Variants in DORIP1 observed in about 807,000 individuals in gnomAD.
The protein encoded by DORIP1 is dopamine receptor interacting protein 1, also known as dopamine receptor-interacting protein 1.
the DORIP1 span, among the ~76,000 whole-genome samples, chr14:44,902,524 C>G: frequency 6.6e-6 from 1 of 152,068 alleles, no homozygotes; most frequent in East Asian, 1.9e-4. Flanking sequence ...GAGATAGGAT[C>G]TTGCTGTGTT....
At chr14:44,905,394 T>C in the DORIP1 span, 1 of 1,541,104 alleles carries the variant, frequency 6.5e-7, no homozygotes. Flanking sequence ...CCACATTATT[T>C]AACAAAGAGG....
At chr14:44,903,874 T>C in the DORIP1 span, 2 of 984,860 alleles carry the variant, frequency 2.0e-6, no homozygotes, top group Non-Finnish European at 2.4e-6. Context: ...TTTGGTTTAG[T>C]TAATAATGTT....
chr14:44,903,304 T>A, the DORIP1 span: 1 of 1,603,890 alleles, frequency 6.2e-7, no homozygotes, highest in Non-Finnish European at 8.5e-7. Context: ...TGGGTGAGTA[T>A]ACAATAGACA....
At chr14:44,905,186 T>G in the DORIP1 span, 2 of 416,912 alleles carry the variant, frequency 4.8e-6, no homozygotes, top group Non-Finnish European at 4.2e-6. Context: ...AAATATGTTT[T>G]TAAGAAATTC....
the DORIP1 span, chr14:44,904,472 A>G: frequency 6.2e-7 from 1 of 1,612,396 alleles, no homozygotes. Context: ...AATATGCAAC[A>G]TTGGAAATCT....
the DORIP1 span, among the ~76,000 whole-genome samples, chr14:44,897,747 T>C: frequency 6.6e-6 from 1 of 152,070 alleles, no homozygotes; most frequent in African/African-American, 2.4e-5. Flanking sequence ...CCCGCCTCGG[T>C]GCCAGGCCTC....
At chr14:44,904,550 T>C in the DORIP1 span, 1 of 1,557,982 alleles carries the variant, frequency 6.4e-7, no homozygotes, top group Non-Finnish European at 8.6e-7. Context: ...TTGTTGTTGT[T>C]TCTTTATAAA....
At chr14:44,897,431 G>A in the DORIP1 span, 5 of 192,110 alleles carry the variant, frequency 2.6e-5, no homozygotes, top group Non-Finnish European at 5.2e-5. Context: ...AACTCACGCC[G>A]GGGGAGGCCG....
chr14:44,904,692 T>C, the DORIP1 span: 3 of 751,464 alleles, frequency 4.0e-6, no homozygotes, highest in African/African-American at 1.8e-5. Flanking sequence ...AGAGAGTCAG[T>C]TACTAGCAGT....
At chr14:44,900,830 T>C in the DORIP1 span, 1 of 1,614,132 alleles carries the variant, frequency 6.2e-7, no homozygotes, top group Non-Finnish European at 8.5e-7. Context: ...ATTGATTTGT[T>C]TGGGAATGAG....
At chr14:44,900,423 T>C in the DORIP1 span, 1 of 1,450,712 alleles carries the variant, frequency 6.9e-7, no homozygotes, top group Non-Finnish European at 9.1e-7. Context: ...GTTTTAAACT[T>C]TTAAAATGTA....
At chr14:44,899,788 A>G in the DORIP1 span, among the ~76,000 whole-genome samples, 1 of 151,128 alleles carries the variant, frequency 6.6e-6, no homozygotes, top group Admixed American at 6.6e-5. Flanking sequence ...GCCTAACCAA[A>G]GTTAATGTTT....
the DORIP1 span, chr14:44,907,154 TTACC>T: frequency 1.3e-5 from 2 of 152,752 alleles, no homozygotes; most frequent in Admixed American, 6.5e-5. Context: ...AAACAATGAC[TTACC>T]TACCTCACAG....
the DORIP1 span, chr14:44,904,684 A>T: frequency 1.2e-6 from 1 of 840,732 alleles, no homozygotes; most frequent in Non-Finnish European, 1.7e-6. Flanking sequence ...TTTATTACAG[A>T]GAGTCAGTTA....
the DORIP1 span, chr14:44,905,740 T>A: frequency 2.7e-6 from 1 of 364,000 alleles, no homozygotes. Context: ...TGTAATTTTT[T>A]TATATTTCCT....
At chr14:44,900,334 A>G in the DORIP1 span, 2 of 1,145,122 alleles carry the variant, frequency 1.7e-6, no homozygotes, top group Non-Finnish European at 2.3e-6. Flanking sequence ...ACCACATTTG[A>G]TTTGAGTCTT....
At chr14:44,902,105 C>T in the DORIP1 span, among the ~76,000 whole-genome samples, 1 of 152,266 alleles carries the variant, frequency 6.6e-6, no homozygotes, top group East Asian at 1.9e-4. Flanking sequence ...TTACATTTCT[C>T]TGAAATACAC....
chr14:44,904,536 GT>G, the DORIP1 span: 1 of 1,561,430 alleles, frequency 6.4e-7, no homozygotes, highest in Non-Finnish European at 8.6e-7. Flanking sequence ...ACAAGTAGGT[GT>G]TTTTGTTGTT....
the DORIP1 span, among the ~76,000 whole-genome samples, chr14:44,902,103 C>G: frequency 2.6e-5 from 4 of 152,180 alleles, no homozygotes; most frequent in African/African-American, 9.7e-5. Context: ...ACTTACATTT[C>G]TCTGAAATAC....
Sources: allele counts gnomAD v4.1 joint callset (sites outside exome capture counted in the v4.1 genomes callset), GRCh38; gene constraint gnomAD v4.1.1; transcripts MANE v1.5; gene names NCBI Gene and HGNC (gene_info 2026-07-23, HGNC 2026-07-21).